The following SRSF3 variants were observed in gnomAD, a reference collection of about 807,000 sequenced individuals.
SRSF3 encodes the protein serine and arginine rich splicing factor 3.
For missense variants in SRSF3, 58 were observed against 217.1 expected, an observed-to-expected ratio of 0.27 and a Z score of 4.61; for synonymous variants, 87 against 73.6, an observed-to-expected ratio of 1.18 and a Z score of -0.93.
Position 36,602,087 on chromosome 6 carries a change from G to A in SRSF3, c.*98G>A. On this transcript the variant is annotated 3_prime_UTR_variant, in exon 6 of 6. Coordinates refer to ENST00000373715, the MANE Select transcript of SRSF3 (RefSeq NM_003017.5). The stretch of plus-strand genomic sequence containing the variant: ...TTTTGTTTGAGACTTCATAAGCTTG[G>A]TGCATTTTTAAGATGTTTTAGCTGT... 6.5e-7 allele frequency: 1 copy of A among 1,540,322 alleles called. No individual in the cohort carries two copies. Among genetic ancestry groups the A allele is most frequent in the East Asian group, 2.3e-5 (1 of 44,168 alleles).
chr6:36,602,500 C>A lies in SRSF3; in HGVS notation c.*511C>A, dbSNP rs558539520. On this transcript the variant is annotated 3_prime_UTR_variant, in exon 6 of 6. Transcript: ENST00000373715. ...GGTTTTTGAAAAATCCAACTCTCAT[C>A]CTGGGCAGAGGTTGCCTAGTTGGTA... The A allele has an allele frequency of 9.0e-6, 2 of 223,050 alleles. No individual in the cohort carries two copies. The highest frequency in any genetic ancestry group is 1.8e-5 in the Non-Finnish European group (2 of 111,948). The allele number at this position is 223,050 out of a possible 1,614,324, so 13.8% of individuals were successfully genotyped here. A position where few individuals can be genotyped will look rare whatever the true frequency, so the allele number is the denominator to read the frequency against.
chr6:36,598,815 G>C, intron 2 of SRSF3, 34 bp from the exon 3 acceptor site: 2 of 1,604,946 alleles, frequency 1.2e-6, no homozygotes, highest in Non-Finnish European at 1.7e-6. Context: ...CAGAAAGTCA[G>C]GCTGTTTTAA....
At chr6:36,599,278 A>G (rs912930185) in intron 3 of SRSF3, among the ~76,000 whole-genome samples, 3 of 151,854 alleles carry the variant, frequency 2.0e-5, no homozygotes, top group African/African-American at 7.3e-5. Context: ...GCCTTTTTCC[A>G]TTTCTTGGCT....
At position 36,603,889 on chromosome 6, in the gene SRSF3, G is replaced by C. The variant is rs1778766660; in HGVS notation, c.*1900G>C. ...AGGCTCTTAAGTTGGAAGGGTTTCT[G>C]TAAAAAGGACAGTTACGGGTATAAT... On this transcript the variant is annotated 3_prime_UTR_variant, in exon 6 of 6. Coordinates refer to ENST00000373715, the MANE Select transcript of SRSF3 (RefSeq NM_003017.5). 1 of 230,770 alleles carries C rather than the reference G, an allele frequency of 4.3e-6. No homozygotes were observed. Among genetic ancestry groups the C allele is most frequent in the African/African-American group, 2.2e-5 (1 of 45,196 alleles). 14.3% of individuals were successfully genotyped at this position (230,770 alleles called of 1,614,324 possible). A position where few individuals can be genotyped will look rare whatever the true frequency, so the allele number is the denominator to read the frequency against.
intron 3 of SRSF3, chr6:36,600,088 C>T (rs1054727923): frequency 2.6e-6 from 3 of 1,169,212 alleles, no homozygotes; most frequent in Non-Finnish European, 3.2e-6. Flanking sequence ...GTTTATTTAC[C>T]AAATGTCTTC....
intron 2 of SRSF3, chr6:36,597,229 C>T (rs571965418): frequency 4.0e-6 from 2 of 500,950 alleles, no homozygotes; most frequent in Non-Finnish European, 3.6e-6. Context: ...CCTCAGCCTT[C>T]TGAGTAACTG....
chr6:36,598,668 C>T, intron 2 of SRSF3, 181 bp from the exon 3 acceptor site: 1 of 663,906 alleles, frequency 1.5e-6, no homozygotes, highest in Non-Finnish European at 2.5e-6. Flanking sequence ...AGGCGTGTAC[C>T]ACCGTGCCTG....
intron 2 of SRSF3, chr6:36,598,640 A>G (rs1778670285): frequency 1.9e-6 from 1 of 524,174 alleles, no homozygotes. Flanking sequence ...CCTCGGCCTC[A>G]TAAAGTGTTG....
At chr6:36,601,101 G>A (rs376548875) in intron 3 of SRSF3, 51 bp from the exon 4 acceptor site, 19 of 1,440,056 alleles carry the variant, frequency 1.3e-5, no homozygotes, top group Admixed American at 1.9e-5. Flanking sequence ...AATGCCTCAC[G>A]CCATAAATAC....
rs544783525 is a variant in SRSF3, at chr6:36,603,048, T to C, written c.*1059T>C. ...TTAGTCTTCTGAAGTGAAGGAAATA[T>C]AGATGTCACCTAAGTGATAGTTAAC... On this transcript the variant is annotated 3_prime_UTR_variant, in exon 6 of 6. Transcript: ENST00000373715. 7.2e-5 allele frequency: 16 copies of C among 222,622 alleles called. No individual in the cohort carries two copies. The highest frequency in any genetic ancestry group is 5.5e-4 in the South Asian group (3 of 5,426). 13.8% of individuals were successfully genotyped at this position (222,622 alleles called of 1,614,324 possible).
intron 3 of SRSF3, 126 bp from the exon 4 acceptor site, chr6:36,601,001 CTTTTTTTTTTTTTTTTTTTTTTTTT>C: frequency 1.2e-5 from 1 of 84,022 alleles, no homozygotes; most frequent in Non-Finnish European, 2.0e-5. Context: ...TCTTTTTTTT[CTTTTTTTTTTTTTTTTTTTTTTTTT>C]GGACGATGGG....
intron 1 of SRSF3, 23 bp from the exon 2 acceptor site, chr6:36,596,738 A>AT (rs762410632): frequency 1.2e-6 from 2 of 1,602,956 alleles, no homozygotes; most frequent in East Asian, 4.5e-5. Flanking sequence ...ATGAATGAAT[A>AT]TTTTTGGTAT....
chr6:36,594,898 C>G (rs1778599742), intron 1 of SRSF3: 1 of 152,026 alleles, frequency 6.6e-6, no homozygotes, highest in Admixed American at 6.6e-5. Flanking sequence ...AGTCACCTTA[C>G]TTTCATGTAG....
Position 36,603,438 on chromosome 6 carries a change from G to T in SRSF3, c.*1449G>T, listed in dbSNP as rs1778752907. 1 of 223,798 alleles carries T rather than the reference G, an allele frequency of 4.5e-6. No individual in the cohort carries two copies. The highest frequency in any genetic ancestry group is 8.9e-6 in the Non-Finnish European group (1 of 112,148). 13.9% of individuals were successfully genotyped at this position (223,798 alleles called of 1,614,324 possible). A position where few individuals can be genotyped will look rare whatever the true frequency, so the allele number is the denominator to read the frequency against. ...TAAATCATAATGCAACAGTCTTGTGGCTTAGTTTCCTTAAATATGCTCTTA... is the reference window on the plus strand; with the variant it reads ...TAAATCATAATGCAACAGTCTTGTGTCTTAGTTTCCTTAAATATGCTCTTA... On this transcript the variant is annotated 3_prime_UTR_variant, in exon 6 of 6. Coordinates refer to ENST00000373715, the MANE Select transcript of SRSF3 (RefSeq NM_003017.5).
Position 36,598,852 on chromosome 6 carries a change from A to C in SRSF3, c.210A>C (p.Thr70=). ...TTTAATATCTTTGCCCCCTCAGAAC[A>C]CTATGTGGCTGCCGTGTAAGAGTGG... is the stretch of plus-strand genomic sequence containing the variant. ...ADAVRELDGR[T]LCGCRVRVEL... is the part of the protein sequence containing the mutation. Residue 70 remains threonine, a synonymous_variant, in exon 3 of 6, where the codon ACA becomes ACC. Coordinates refer to ENST00000373715, the MANE Select transcript of SRSF3 (RefSeq NM_003017.5). 1 of 1,612,722 alleles carries C rather than the reference A, an allele frequency of 6.2e-7. No individual in the cohort carries two copies. The highest frequency in any genetic ancestry group is 8.5e-7 in the Non-Finnish European group (1 of 1,179,826).
At chr6:36,597,189 T>A in intron 2 of SRSF3, 1 of 547,186 alleles carries the variant, frequency 1.8e-6, no homozygotes, top group Non-Finnish European at 3.2e-6. Context: ...CCCCGCAACC[T>A]CGGCCTCCGG....
chr6:36,597,043 C>G, intron 2 of SRSF3, 75 bp downstream of exon 2: 3 of 1,263,912 alleles, frequency 2.4e-6, no homozygotes, highest in South Asian at 1.2e-5. Context: ...ATATGTGGCT[C>G]TTAGATGGCT....
chr6:36,596,574 C>CGGGGGG (rs34650091), intron 1 of SRSF3, among the ~76,000 whole-genome samples, 187 bp from the exon 2 acceptor site: 15 of 91,954 alleles, frequency 1.6e-4, no homozygotes, highest in African/African-American at 5.8e-4. Flanking sequence ...GGCGGGGTGG[C>CGGGGGG]GGGGGGGGGG....
At position 36,602,818 on chromosome 6, in the gene SRSF3, C is replaced by G. The variant is rs984665993; in HGVS notation, c.*829C>G. 4.8e-6 allele frequency: 1 copy of G among 208,492 alleles called. No individual in the cohort carries two copies. Among genetic ancestry groups the G allele is most frequent in the African/African-American group, 2.3e-5 (1 of 43,990 alleles). The allele number at this position is 208,492 out of a possible 1,614,324, so 12.9% of individuals were successfully genotyped here. A position where few individuals can be genotyped will look rare whatever the true frequency, so the allele number is the denominator to read the frequency against. On this transcript the variant is annotated 3_prime_UTR_variant, in exon 6 of 6. Coordinates refer to ENST00000373715, the MANE Select transcript of SRSF3 (RefSeq NM_003017.5). Reference sequence around the variant, plus strand: ...CCTGTTTTTCCTTGCAAACTCAAATCTGTGAGCTTGGTACCAAGTCCAGGT... The same window carrying G: ...CCTGTTTTTCCTTGCAAACTCAAATGTGTGAGCTTGGTACCAAGTCCAGGT...
Sources: gnomAD v4.1 joint callset for allele counts (sites outside exome capture counted in the v4.1 genomes callset) on GRCh38, gnomAD v4.1.1 for gene constraint, MANE v1.5 for transcripts, NCBI Gene and HGNC (gene_info 2026-07-23, HGNC 2026-07-21) for gene names.